SSBP3: variants seen among roughly 807,000 people sequenced by gnomAD.
The protein encoded by SSBP3 is single stranded DNA binding protein 3, also known as single-stranded DNA-binding protein 3.
A neutral mutation model predicts 69.6 loss-of-function variants in SSBP3; 5 were observed. That is an observed-to-expected ratio of 0.07 (90% confidence interval 0.04 to 0.15). The LOEUF (loss-of-function observed/expected upper bound fraction) is 0.15, where lower values mean the gene tolerates loss of function less well. Ranked by LOEUF, SSBP3 falls within the 10% of genes least tolerant of loss-of-function variation. The pLI, the probability that SSBP3 is intolerant of heterozygous loss-of-function variation, is 1.00. For missense variants in SSBP3, 312 were observed against 534.0 expected, an observed-to-expected ratio of 0.58 and a Z score of 4.10; for synonymous variants, 196 against 193.4, an observed-to-expected ratio of 1.01 and a Z score of -0.11.
intron 4 of SSBP3, among the ~76,000 whole-genome samples, chr1:54,294,771 G>A (rs1645675277): frequency 6.6e-6 from 1 of 152,286 alleles, no homozygotes; most frequent in Admixed American, 6.5e-5. Context: ...CTCTGAAGAC[G>A]AGTGTCTGCT....
At chr1:54,327,053 T>C (rs745916897) in intron 4 of SSBP3, among the ~76,000 whole-genome samples, 8 of 152,044 alleles carry the variant, frequency 5.3e-5, no homozygotes, top group Non-Finnish European at 7.4e-5. Flanking sequence ...TCCTGGTTTC[T>C]AAGCAGTAAC....
intron 4 of SSBP3, among the ~76,000 whole-genome samples, chr1:54,399,413 G>C (rs1488595214): frequency 6.6e-6 from 1 of 152,182 alleles, no homozygotes; most frequent in Non-Finnish European, 1.5e-5. Context: ...CTGCAAAATG[G>C]AGTGAACAAC....
chr1:54,255,344 G>A lies in SSBP3; in HGVS notation c.507+1783C>T, dbSNP rs560662121. ...GGGCCACCACAATTATGATAAGGAA[G>A]TAGCTCCTTTCTTCCTGGCAGAGGC... On this transcript the variant is annotated intron_variant, in intron 7 of 17. Transcript: ENST00000610401. Among the ~76,000 whole-genome samples, 39 of 152,326 alleles carry A rather than the reference G, an allele frequency of 2.6e-4. 1 individual carries two copies. The South Asian group carries it at 7.9e-3, about 31-fold the overall frequency.
At chr1:54,249,019 G>T (rs1644780300) in intron 9 of SSBP3, among the ~76,000 whole-genome samples, 1 of 152,128 alleles carries the variant, frequency 6.6e-6, no homozygotes, top group Non-Finnish European at 1.5e-5. Context: ...TACACTGCTT[G>T]GGTGAGGCCA....
intron 5 of SSBP3, among the ~76,000 whole-genome samples, chr1:54,266,703 G>C (rs1281214370): frequency 6.6e-6 from 1 of 151,980 alleles, no homozygotes; most frequent in African/African-American, 2.4e-5. Flanking sequence ...GAAAACTGAA[G>C]TATAGTGACA....
intron 4 of SSBP3, among the ~76,000 whole-genome samples, chr1:54,397,927 G>C (rs1326285023): frequency 1.3e-5 from 2 of 152,172 alleles, no homozygotes; most frequent in Non-Finnish European, 2.9e-5. Flanking sequence ...AATTCACCTT[G>C]CGGGGGCTTC....
chr1:54,227,003 G>C, exon 18 of SSBP3: 1 of 802,842 alleles, frequency 1.2e-6, no homozygotes, highest in Non-Finnish European at 2.2e-6. Context: ...GGGGTGGGAG[G>C]GGGTTGAGGG....
chr1:54,290,724 C>T (rs1258202880), intron 4 of SSBP3, among the ~76,000 whole-genome samples: 1 of 152,238 alleles, frequency 6.6e-6, no homozygotes, highest in South Asian at 2.1e-4. Flanking sequence ...CCCTCCTCCA[C>T]AGGCAGATAC....
intron 4 of SSBP3, among the ~76,000 whole-genome samples, chr1:54,380,284 C>G (rs1376299443): frequency 2.0e-5 from 3 of 152,102 alleles, no homozygotes; most frequent in African/African-American, 4.8e-5. Flanking sequence ...TTTTCCTTCC[C>G]CTCCCCATGG....
intron 4 of SSBP3, among the ~76,000 whole-genome samples, chr1:54,343,599 T>C (rs1049568609): frequency 6.6e-6 from 1 of 152,216 alleles, no homozygotes; most frequent in Non-Finnish European, 1.5e-5. Flanking sequence ...CCCCAACCCC[T>C]GGCCTTATGG....
At chr1:54,269,584 C>T (rs1185804353) in intron 5 of SSBP3, among the ~76,000 whole-genome samples, 2 of 152,198 alleles carry the variant, frequency 1.3e-5, no homozygotes, top group Non-Finnish European at 2.9e-5. Flanking sequence ...TTGGACATAA[C>T]TTTTTTGACC....
chr1:54,302,280 T>C (rs575812197), intron 4 of SSBP3, among the ~76,000 whole-genome samples: 1 of 151,688 alleles, frequency 6.6e-6, no homozygotes, highest in Non-Finnish European at 1.5e-5. Context: ...TGTATTCTAA[T>C]ACCTGCTCAA....
At chr1:54,375,324 G>C (rs141895143) in intron 4 of SSBP3, among the ~76,000 whole-genome samples, 396 of 151,132 alleles carry the variant, frequency 2.6e-3, no homozygotes, top group South Asian at 5.0e-3. Flanking sequence ...TTCCTACTTG[G>C]GGGGGATCAC....
intron 4 of SSBP3, among the ~76,000 whole-genome samples, chr1:54,298,773 G>A (rs1645746128): frequency 6.6e-6 from 1 of 152,138 alleles, no homozygotes. Context: ...GCTCCTGGAC[G>A]TCAGCTTCAA....
intron 17 of SSBP3, 137 bp from the exon 18 acceptor site, chr1:54,227,297 C>T: frequency 1.5e-6 from 1 of 686,152 alleles, no homozygotes; most frequent in Non-Finnish European, 2.7e-6. Context: ...CTGAGGGGCA[C>T]ATGGTGGCAT....
At chr1:54,332,179 A>G (rs1646428629) in intron 4 of SSBP3, among the ~76,000 whole-genome samples, 1 of 152,212 alleles carries the variant, frequency 6.6e-6, no homozygotes, top group African/African-American at 2.4e-5. Flanking sequence ...AGCTGTTGCT[A>G]TTAGCTCCCA....
Position 54,258,266 on chromosome 1 carries a change from G to A in SSBP3, c.367-117C>T. 5 of 774,566 alleles carry A rather than the reference G, an allele frequency of 6.5e-6. No individual in the cohort carries two copies. The highest frequency in any genetic ancestry group is 7.4e-6 in the Non-Finnish European group (4 of 539,802). 48.0% of individuals were successfully genotyped at this position (774,566 alleles called of 1,614,324 possible). A position where few individuals can be genotyped will look rare whatever the true frequency, so the allele number is the denominator to read the frequency against. On this transcript the variant is annotated intron_variant, in intron 5 of 17. Coordinates refer to ENST00000610401, the Ensembl canonical transcript of SSBP3. This position sits in a 1 kb window ranked among gnomAD's most constrained non-coding sequence, Gnocchi z 4.5. ...AAGGGTGGGCGGCGGGCGTGCGGGGGGGTGGGCTCTGGTTGGTGGGAGGTG... is the reference window on the plus strand; with the variant it reads ...AAGGGTGGGCGGCGGGCGTGCGGGGAGGTGGGCTCTGGTTGGTGGGAGGTG...
intron 4 of SSBP3, among the ~76,000 whole-genome samples, chr1:54,340,793 T>TA (rs980359850): frequency 6.6e-6 from 1 of 152,166 alleles, no homozygotes; most frequent in African/African-American, 2.4e-5. Context: ...GACACTCCCA[T>TA]ACCAGCCCAG....
At position 54,312,611 on chromosome 1, in the gene SSBP3, A is replaced by G. The variant is rs17110352; in HGVS notation, c.277-31084T>C. On this transcript the variant is annotated intron_variant, in intron 4 of 17. Coordinates refer to ENST00000610401, the Ensembl canonical transcript of SSBP3. ...GAGGACCAGAGAACATGTCCTGTAC[A>G]CTCCTTCCTTCACAGCCTCTACTAT... is the stretch of plus-strand genomic sequence containing the variant. 5.6e-3 allele frequency among the ~76,000 whole-genome samples: 845 copies of G among 151,844 alleles called. 12 individuals carry two copies. The highest frequency in any genetic ancestry group is 0.019 in the African/African-American group (806 of 41,390).
Sources: gnomAD v4.1 joint callset for allele counts (sites outside exome capture counted in the v4.1 genomes callset) on GRCh38, gnomAD v4.1.1 for gene constraint, Gnocchi (gnomAD v3.1) non-coding constraint, MANE v1.5 for transcripts, NCBI Gene and HGNC (gene_info 2026-07-23, HGNC 2026-07-21) for gene names.